TNR: variants seen among roughly 807,000 people sequenced by gnomAD.
TNR encodes tenascin-R.
In TNR, 45 loss-of-function variants were observed where a neutral mutation model predicts 150.4. The observed-to-expected ratio is 0.30, with a 90% CI of 0.24 to 0.38. The LOEUF (loss-of-function observed/expected upper bound fraction) is 0.38, where lower values mean the gene tolerates loss of function less well. TNR is among the 10% of genes least tolerant of loss of function. The probability of loss-of-function intolerance (pLI) is 1.00; values close to 1 mark genes in which losing one functional copy is unlikely to be tolerated. For missense variants in TNR, 1,544 were observed against 1,759.1 expected, an observed-to-expected ratio of 0.88 and a Z score of 2.19; for synonymous variants, 687 against 678.4, an observed-to-expected ratio of 1.01 and a Z score of -0.20.
intron 2 of TNR, among the ~76,000 whole-genome samples, chr1:175,479,181 T>C (rs1244227348): frequency 1.3e-5 from 2 of 152,202 alleles, no homozygotes; most frequent in African/African-American, 2.4e-5. Flanking sequence ...TTTCACCCCA[T>C]GTTGACTCTC....
intron 1 of TNR, among the ~76,000 whole-genome samples, chr1:175,529,838 C>T (rs1435015138): frequency 1.3e-5 from 2 of 152,176 alleles, no homozygotes; most frequent in African/African-American, 4.8e-5. Flanking sequence ...TGTCCAATAT[C>T]TTTTGAACCA....
intron 1 of TNR, among the ~76,000 whole-genome samples, chr1:175,563,401 A>T (rs528565381): frequency 6.6e-6 from 1 of 152,332 alleles, no homozygotes; most frequent in South Asian, 2.1e-4. Flanking sequence ...AATCCCCACG[A>T]AAGCACTTCA....
intron 2 of TNR, among the ~76,000 whole-genome samples, chr1:175,436,937 C>T (rs1655539429): frequency 6.6e-6 from 1 of 152,142 alleles, no homozygotes; most frequent in Non-Finnish European, 1.5e-5. Context: ...TAATGGGAGA[C>T]TTTAACACCC....
At chr1:175,400,140 T>G (rs1653634997) in intron 4 of TNR, among the ~76,000 whole-genome samples, 2 of 152,232 alleles carry the variant, frequency 1.3e-5, no homozygotes, top group Non-Finnish European at 2.9e-5. Flanking sequence ...GACAAATGGT[T>G]GAATGTGCTT....
At chr1:175,734,843 G>A (rs547380552) in intron 1 of TNR, among the ~76,000 whole-genome samples, 32 of 152,344 alleles carry the variant, frequency 2.1e-4, no homozygotes, top group African/African-American at 7.7e-4. Flanking sequence ...GAGCAAGGCA[G>A]CTGGGCTGCG....
intron 2 of TNR, among the ~76,000 whole-genome samples, chr1:175,524,789 T>C (rs1467196031): frequency 6.6e-6 from 1 of 152,214 alleles, no homozygotes; most frequent in African/African-American, 2.4e-5. Flanking sequence ...AAGCATAAGA[T>C]GTTGAGAGCA....
chr1:175,600,284 A>G (rs72725461), intron 1 of TNR, among the ~76,000 whole-genome samples: 3,886 of 152,238 alleles, frequency 0.026, 77 homozygotes, highest in Non-Finnish European at 0.037. Context: ...TTTAGCTATT[A>G]CTCGTATTAT....
intron 1 of TNR, among the ~76,000 whole-genome samples, chr1:175,593,847 C>T (rs1662903322): frequency 6.6e-6 from 1 of 152,178 alleles, no homozygotes; most frequent in Non-Finnish European, 1.5e-5. Context: ...ACCAAGTGTC[C>T]TCCCAAACAG....
chr1:175,445,077 T>C (rs373452228), intron 2 of TNR, among the ~76,000 whole-genome samples: 1 of 152,150 alleles, frequency 6.6e-6, no homozygotes, highest in Non-Finnish European at 1.5e-5. Context: ...GAGACCATCC[T>C]AGCTAACACG....
chr1:175,742,616 T>C (rs1298821855), intron 1 of TNR, among the ~76,000 whole-genome samples: 1 of 152,124 alleles, frequency 6.6e-6, no homozygotes, highest in East Asian at 1.9e-4. Context: ...CTGTTGCACC[T>C]GCCCACTTAC....
chr1:175,549,157 C>T (rs1033671990), intron 1 of TNR, among the ~76,000 whole-genome samples: 4 of 152,196 alleles, frequency 2.6e-5, no homozygotes, highest in Non-Finnish European at 4.4e-5. Context: ...AACAGGGGAG[C>T]CCACTGAGGG....
intron 1 of TNR, among the ~76,000 whole-genome samples, chr1:175,656,110 C>A (rs1571720321): frequency 6.7e-6 from 1 of 149,464 alleles, no homozygotes; most frequent in East Asian, 2.0e-4. Flanking sequence ...AAAAATCTAT[C>A]CTTACAGGGG....
intron 9 of TNR, among the ~76,000 whole-genome samples, chr1:175,378,705 T>G (rs1017152558): frequency 4.2e-4 from 64 of 152,136 alleles, no homozygotes; most frequent in African/African-American, 1.5e-3. Flanking sequence ...AGAAGCAGAC[T>G]TGTGGGCCTG....
intron 1 of TNR, among the ~76,000 whole-genome samples, chr1:175,637,120 A>C (rs1203640251): frequency 6.6e-6 from 1 of 152,236 alleles, no homozygotes; most frequent in Non-Finnish European, 1.5e-5. Flanking sequence ...CTGATGTTTA[A>C]GAAATTAAGA....
In TNR at chr1:175,605,319, G is replaced by A. The variant is rs74127357; in HGVS notation, c.-164-76950C>T. 9.0e-3 allele frequency among the ~76,000 whole-genome samples: 1,372 copies of A among 152,266 alleles called. 21 individuals carry two copies. Among genetic ancestry groups the A allele is most frequent in the African/African-American group, 0.031 (1,304 of 41,542 alleles). On this transcript the variant is annotated intron_variant, in intron 1 of 22. Transcript: ENST00000367674. ...AAATGGTTATACCTATCTCACTGTT[G>A]AGAGGTTTGTATGACTCAAGGAGGT...
chr1:175,648,486 T>A (rs754637080), intron 1 of TNR, among the ~76,000 whole-genome samples: 2 of 152,088 alleles, frequency 1.3e-5, no homozygotes, highest in African/African-American at 4.8e-5. Context: ...TGGCTTGGCA[T>A]CCCATCTAAG....
chr1:175,470,785 T>C (rs897177058), intron 2 of TNR, among the ~76,000 whole-genome samples: 2 of 152,238 alleles, frequency 1.3e-5, no homozygotes, highest in African/African-American at 4.8e-5. Context: ...TCTCCATGCC[T>C]TGTGATTGTT....
chr1:175,489,870 A>G (rs1370005498), intron 2 of TNR, among the ~76,000 whole-genome samples: 2 of 152,228 alleles, frequency 1.3e-5, no homozygotes, highest in Non-Finnish European at 2.9e-5. Context: ...TCCATGTTAT[A>G]TAGGTTTTTT....
chr1:175,425,880 A>G (rs946602843), intron 2 of TNR, among the ~76,000 whole-genome samples: 2 of 152,178 alleles, frequency 1.3e-5, no homozygotes, highest in African/African-American at 4.8e-5. Flanking sequence ...AGCTGTCACA[A>G]TGCAGGAAGC....
Sources: allele counts gnomAD v4.1 joint callset (sites outside exome capture counted in the v4.1 genomes callset), GRCh38; gene constraint gnomAD v4.1.1; transcripts MANE v1.5; gene names NCBI Gene and HGNC (gene_info 2026-07-23, HGNC 2026-07-21).